Variants in RABL6 observed in about 807,000 individuals in gnomAD.
RABL6 encodes the protein rab-like protein 6.
Under a neutral mutation model 72.9 loss-of-function variants are expected in RABL6, and 28 were observed. The observed-to-expected ratio is 0.38, with a 90% confidence interval of 0.28 to 0.53. The LOEUF (loss-of-function observed/expected upper bound fraction) is 0.53, where lower values mean the gene tolerates loss of function less well. RABL6 is among the 20% of genes least tolerant of loss of function. The pLI is 0.80. For missense variants in RABL6, 1,029 were observed against 1,008.4 expected (o/e 1.02, Z -0.28); for synonymous variants, 477 against 421.2 (o/e 1.13, Z -1.62).
intron 7 of RABL6, chr9:136,834,513 A>G (rs764824629): frequency 7.4e-6 from 7 of 944,244 alleles, no homozygotes; most frequent in Non-Finnish European, 8.8e-6. Flanking sequence ...ACGGAGTCTC[A>G]CTCTGTCCAG....
intron 7 of RABL6, chr9:136,833,726 G>A (rs1233841627): frequency 1.9e-6 from 3 of 1,550,448 alleles, no homozygotes; most frequent in East Asian, 2.4e-5. Context: ...CCAGAAGGAT[G>A]TCAGGCTTGC....
At chr9:136,829,528 C>T (rs779390521) in intron 5 of RABL6, 44 bp downstream of exon 5, 19 of 1,513,584 alleles carry the variant, frequency 1.3e-5, no homozygotes, top group Admixed American at 3.9e-5. Context: ...ACTCTCACCC[C>T]CCTAGCCCCT....
At chr9:136,821,883 G>T in intron 1 of RABL6, 3 of 1,269,622 alleles carry the variant, frequency 2.4e-6, no homozygotes, top group Non-Finnish European at 3.1e-6. Flanking sequence ...GCCCCCAGCC[G>T]GTGCGGCCGC....
rs1564374693 is a variant in RABL6, at chr9:136,840,365, GCAAGGA to G, written c.2040_2045del (p.Asp680_Lys681del). On this transcript the variant is annotated inframe_deletion, in exon 15 of 15. Transcript: ENST00000311502. ...AAGAAGAAGAGCAAACACAAGAAGA[GCAAGGA>G]CAAGGAGGAGGGCAAGGAGGAGCGG... 1 of 1,557,736 alleles carries G rather than the reference GCAAGGA, an allele frequency of 6.4e-7. No individual in the cohort carries two copies.
At chr9:136,834,740 A>G (rs991356885) in intron 7 of RABL6, among the ~76,000 whole-genome samples, 1 of 151,860 alleles carries the variant, frequency 6.6e-6, no homozygotes, top group Non-Finnish European at 1.5e-5. Context: ...GCCCCCCCAA[A>G]GTGCTGGGAT....
At chr9:136,812,959 C>G in intron 1 of RABL6, 1 of 352,586 alleles carries the variant, frequency 2.8e-6, no homozygotes, top group Admixed American at 3.2e-5. Context: ...GTCCAAGTTA[C>G]CTTTGTTTCC....
intron 5 of RABL6, chr9:136,830,820 C>A (rs924187906): frequency 2.0e-5 from 3 of 152,514 alleles, no homozygotes; most frequent in Non-Finnish European, 4.4e-5. Flanking sequence ...CTGTTGGCAG[C>A]ACCAGCCTGG....
chr9:136,808,836 C>T (rs1274466243), intron 1 of RABL6: 3 of 53,638 alleles, frequency 5.6e-5, no homozygotes, highest in Non-Finnish European at 1.2e-4. Flanking sequence ...CACACATTCT[C>T]GCCTTTTTTT....
chr9:136,816,159 C>T (rs930668095), intron 1 of RABL6, among the ~76,000 whole-genome samples: 1 of 152,156 alleles, frequency 6.6e-6, no homozygotes, highest in Non-Finnish European at 1.5e-5. Flanking sequence ...AACTGGAGTG[C>T]AGTGGCGCAA....
rs769835702 is a variant in RABL6, at chr9:136,840,413, G to T, written c.2081G>T (p.Arg694Leu). ...GKEERRRRQQ[R>L]PPRSRERTAA... ...GAGGAGCGGCGACGGCGGCAGCAGCGGCCCCCGCGCAGCAGGGAGAGGACG... is the reference window on the plus strand; with the variant it reads ...GAGGAGCGGCGACGGCGGCAGCAGCTGCCCCCGCGCAGCAGGGAGAGGACG... Residue 694 changes from arginine to leucine, a missense_variant, in exon 15 of 15, where the codon CGG becomes CTG. By Grantham distance (102) the Arg-to-Leu change is moderately radical. Transcript: ENST00000311502. The T allele has an allele frequency of 9.7e-6, 15 of 1,550,314 alleles. No homozygotes were observed. Among genetic ancestry groups the T allele is most frequent in the Non-Finnish European group, 8.7e-7 (1 of 1,147,056 alleles).
chr9:136,811,146 C>T (rs573048676), intron 1 of RABL6, among the ~76,000 whole-genome samples: 18 of 152,294 alleles, frequency 1.2e-4, no homozygotes, highest in African/African-American at 4.3e-4. Flanking sequence ...GACCATGGCT[C>T]GTGACATAGC....
rs777598903 is a variant in RABL6, at chr9:136,840,600, C to A, written c.*78C>A. On this transcript the variant is annotated 3_prime_UTR_variant, in exon 15 of 15. Transcript: ENST00000311502. ...GGGGAGGCATTTGCCTCTGTACCATCGCCTTTGCCGCTGCCCCGTGGCTGC... is the reference window on the plus strand; with the variant it reads ...GGGGAGGCATTTGCCTCTGTACCATAGCCTTTGCCGCTGCCCCGTGGCTGC... 8.4e-6 allele frequency: 13 copies of A among 1,549,386 alleles called. No homozygotes were observed. The Admixed American group carries it at 2.6e-4, about 30-fold the overall frequency.
In RABL6 at chr9:136,808,345, G is replaced by C. The variant is rs752020818; in HGVS notation, c.130+19G>C. On this transcript the variant is annotated intron_variant, in intron 1 of 14. Transcript: ENST00000311502. ...TACAACAGTGAGTGCGGCGGGCCGGGGGGGCGCGGGAGCGCCGCGCGGGTC... is the reference window on the plus strand; with the variant it reads ...TACAACAGTGAGTGCGGCGGGCCGGCGGGGCGCGGGAGCGCCGCGCGGGTC... 4.7e-6 allele frequency: 7 copies of C among 1,500,866 alleles called. No individual in the cohort carries two copies. The highest frequency in any genetic ancestry group is 1.3e-5 in the South Asian group (1 of 77,138). 93.0% of individuals were successfully genotyped at this position (1,500,866 alleles called of 1,614,324 possible).
Position 136,810,753 on chromosome 9 carries a change from G to A in RABL6, c.130+2427G>A, listed in dbSNP as rs1050578747. On this transcript the variant is annotated intron_variant, in intron 1 of 14. Transcript: ENST00000311502. ...AGGCAGGATTTCACCGTGTTAGCCA[G>A]GATGGTCTCAATCTCCTGACCTCGT... Among the ~76,000 whole-genome samples, 4 of 152,330 alleles carry A rather than the reference G, an allele frequency of 2.6e-5. No homozygotes were observed. In the East Asian group the frequency reaches 7.7e-4, roughly 29 times the overall value.
chr9:136,813,003 G>A (rs977703389), intron 1 of RABL6: 6 of 357,924 alleles, frequency 1.7e-5, no homozygotes, highest in African/African-American at 8.7e-5. Context: ...CCTCCTTGGC[G>A]CTTTTGGCAT....
intron 1 of RABL6, chr9:136,813,190 C>A: frequency 2.0e-6 from 1 of 496,868 alleles, no homozygotes; most frequent in East Asian, 4.7e-5. Flanking sequence ...GTGGTCCTTG[C>A]AACTCCAGCC....
chr9:136,832,785 G>A lies in RABL6; in HGVS notation c.705+415G>A, dbSNP rs185348986. ...GCTGGGATGCCAGGCGTGAGTCACC[G>A]AGGTACTCGCTGTTCACATCTCACA... On this transcript the variant is annotated intron_variant, in intron 7 of 14. Transcript: ENST00000311502. 841 of 329,948 alleles carry A rather than the reference G, an allele frequency of 2.5e-3. 20 individuals carry two copies. The Admixed American group carries it at 0.034, about 13-fold the overall frequency. 20.4% of individuals were successfully genotyped at this position (329,948 alleles called of 1,614,324 possible). A position where few individuals can be genotyped will look rare whatever the true frequency, so the allele number is the denominator to read the frequency against.
At chr9:136,821,473 A>T (rs1429310718) in intron 1 of RABL6, 2 of 985,176 alleles carry the variant, frequency 2.0e-6, no homozygotes, top group Non-Finnish European at 2.4e-6. Flanking sequence ...ACGGACGTGG[A>T]TGGCGCCGCC....
intron 9 of RABL6, 78 bp downstream of exon 9, chr9:136,837,740 G>T: frequency 6.5e-7 from 1 of 1,543,688 alleles, no homozygotes; most frequent in South Asian, 1.2e-5. Flanking sequence ...ATTTCGGAGC[G>T]CTCCACGCTT....
Sources: gnomAD v4.1 joint callset for allele counts (sites outside exome capture counted in the v4.1 genomes callset) on GRCh38, gnomAD v4.1.1 for gene constraint, MANE v1.5 for transcripts, NCBI Gene and HGNC (gene_info 2026-07-23, HGNC 2026-07-21) for gene names.